Variants in SYN2 observed in about 807,000 individuals in gnomAD.
The protein encoded by SYN2 is synapsin II.
In SYN2, 19 loss-of-function variants were observed where a neutral mutation model predicts 50.9. The observed-to-expected ratio is 0.37, with a 90% confidence interval of 0.26 to 0.55. SYN2 has a LOEUF of 0.55. Ranked by LOEUF, SYN2 falls within the 20% of genes least tolerant of loss-of-function variation. The pLI is 0.81. For missense variants in SYN2, 587 were observed against 576.4 expected, an observed-to-expected ratio of 1.02 and a Z score of -0.19; for synonymous variants, 255 against 224.9, an observed-to-expected ratio of 1.13 and a Z score of -1.20.
chr3:12,076,239 T>C (rs534753562), intron 1 of SYN2, among the ~76,000 whole-genome samples: 21 of 152,206 alleles, frequency 1.4e-4, no homozygotes, highest in Non-Finnish European at 2.4e-4. Flanking sequence ...AATAAGTTCC[T>C]GGAATAAGTG....
intron 1 of SYN2, among the ~76,000 whole-genome samples, chr3:12,109,317 G>A (rs1696267357): frequency 6.6e-6 from 1 of 152,114 alleles, no homozygotes; most frequent in Non-Finnish European, 1.5e-5. Flanking sequence ...TCATTATCTG[G>A]TCTCTAAAAT....
chr3:12,077,239 A>G (rs971276653), intron 1 of SYN2, among the ~76,000 whole-genome samples: 42 of 152,162 alleles, frequency 2.8e-4, no homozygotes, highest in Admixed American at 8.5e-4. Flanking sequence ...GAAAATTCAT[A>G]TAAGAATAAC....
chr3:12,067,683 A>T (rs1695245728), intron 1 of SYN2, among the ~76,000 whole-genome samples: 1 of 151,616 alleles, frequency 6.6e-6, no homozygotes, highest in Non-Finnish European at 1.5e-5. Flanking sequence ...TTCCTGGTTC[A>T]TTTCCTAGAA....
chr3:12,055,805 C>G (rs1199412652), intron 1 of SYN2, among the ~76,000 whole-genome samples: 1 of 152,062 alleles, frequency 6.6e-6, no homozygotes, highest in African/African-American at 2.4e-5. Flanking sequence ...TGAATTTTTG[C>G]ATAAAAATGA....
Position 12,145,785 on chromosome 3 carries a change from A to C in SYN2, c.634A>C (p.Ser212Arg). 1 of 1,613,918 alleles carries C rather than the reference A, an allele frequency of 6.2e-7. No homozygotes were observed. Among genetic ancestry groups the C allele is most frequent in the Non-Finnish European group, 8.5e-7 (1 of 1,179,846 alleles). Residue 212 changes from serine to arginine, a missense_variant, in exon 4 of 13, where the codon AGC (serine) becomes CGC (arginine). Ser to Arg is a moderately radical substitution (Grantham distance 110). Coordinates refer to ENST00000621198, the MANE Select transcript of SYN2 (RefSeq NM_133625.6). ...IIGMQYAGLP[S>R]INSLESIYNF... ...TGGTATGCAGTATGCAGGCCTCCCCAGCATCAACTCACTGGAATCCATATA... is the reference window on the plus strand; with the variant it reads ...TGGTATGCAGTATGCAGGCCTCCCCCGCATCAACTCACTGGAATCCATATA...
chr3:12,105,945 A>G (rs184371203), intron 1 of SYN2, among the ~76,000 whole-genome samples: 3 of 152,276 alleles, frequency 2.0e-5, no homozygotes, highest in Admixed American at 1.3e-4. Context: ...AACAACACCT[A>G]TTTATTAACT....
chr3:12,074,255 A>G (rs552371919), intron 1 of SYN2, among the ~76,000 whole-genome samples: 7 of 152,278 alleles, frequency 4.6e-5, no homozygotes, highest in Non-Finnish European at 1.0e-4. Flanking sequence ...CAGCCTATAA[A>G]TGAATTTTCA....
At position 12,187,429 on chromosome 3, in the gene SYN2, T is replaced by A; in HGVS notation, c.1430T>A (p.Leu477His). 2 of 1,547,340 alleles carry A rather than the reference T, an allele frequency of 1.3e-6. No homozygotes were observed. The highest frequency in any genetic ancestry group is 2.4e-5 in the South Asian group (2 of 83,670). ...PPGKVLPPRR[L>H]PPGPSLPPSS... Reference sequence around the variant, plus strand: ...GGCAAGGTGCTGCCTCCACGCCGGCTCCCCCCTGGACCATCACTGCCACCT... The same window carrying A: ...GGCAAGGTGCTGCCTCCACGCCGGCACCCCCCTGGACCATCACTGCCACCT... Residue 477 changes from leucine (L) to histidine (H), a missense_variant, in exon 12 of 13, where the codon CTC becomes CAC. Leu to His is a moderately conservative substitution (Grantham distance 99, BLOSUM62 -3). Transcript: ENST00000621198.
At chr3:12,167,769 C>G (rs559888264) in intron 8 of SYN2, among the ~76,000 whole-genome samples, 1 of 152,212 alleles carries the variant, frequency 6.6e-6, no homozygotes, top group East Asian at 1.9e-4. Flanking sequence ...CAGAAGAAGA[C>G]AGGAAGCCAA....
chr3:12,097,538 G>A (rs1413744463), intron 1 of SYN2, among the ~76,000 whole-genome samples: 9 of 151,722 alleles, frequency 5.9e-5, no homozygotes, highest in East Asian at 5.8e-4. Context: ...CCCACAAGGC[G>A]GAGCTTGCAG....
intron 1 of SYN2, among the ~76,000 whole-genome samples, chr3:12,130,041 A>G (rs1346327576): frequency 6.6e-6 from 1 of 152,094 alleles, no homozygotes; most frequent in African/African-American, 2.4e-5. Flanking sequence ...ATCTGCTGGC[A>G]CCTTGATCTG....
chr3:12,161,426 G>A (rs1431497196), intron 5 of SYN2, 120 bp from the exon 6 acceptor site: 14 of 1,094,836 alleles, frequency 1.3e-5, no homozygotes, highest in Non-Finnish European at 1.9e-5. Context: ...TGTAAAGCAA[G>A]TAGATTGGAC....
chr3:12,142,678 G>A (rs1031494348), intron 3 of SYN2, among the ~76,000 whole-genome samples: 2 of 152,194 alleles, frequency 1.3e-5, no homozygotes, highest in Non-Finnish European at 2.9e-5. Flanking sequence ...TTCCAGACTG[G>A]AAAGTGGCGG....
rs182527139 is a variant in SYN2, at chr3:12,108,939, A to G, written c.378-31712A>G. On this transcript the variant is annotated intron_variant, in intron 1 of 12. Coordinates refer to ENST00000621198, the MANE Select transcript of SYN2 (RefSeq NM_133625.6). Reference sequence around the variant, plus strand: ...CTCAAATATCCATTCTGAATGTCCAATTTTTTAAAAATGTGGTCATAAAGA... The same window carrying G: ...CTCAAATATCCATTCTGAATGTCCAGTTTTTTAAAAATGTGGTCATAAAGA... 2.0e-5 allele frequency among the ~76,000 whole-genome samples: 3 copies of G among 152,094 alleles called. No individual in the cohort carries two copies. In the East Asian group the frequency reaches 5.8e-4, roughly 29 times the overall value.
intron 1 of SYN2, among the ~76,000 whole-genome samples, chr3:12,060,423 C>T (rs2125161844): frequency 6.6e-6 from 1 of 152,284 alleles, no homozygotes; most frequent in African/African-American, 2.4e-5. Flanking sequence ...TCTCTGACTC[C>T]AGCCCCCTCT....
intron 1 of SYN2, among the ~76,000 whole-genome samples, chr3:12,035,661 A>C (rs1453870976): frequency 6.6e-6 from 1 of 152,196 alleles, no homozygotes; most frequent in African/African-American, 2.4e-5. Flanking sequence ...GGGGCCTGCA[A>C]GTCATAGGTA....
chr3:12,062,419 G>A (rs754320561), intron 1 of SYN2, among the ~76,000 whole-genome samples: 37 of 151,832 alleles, frequency 2.4e-4, no homozygotes, highest in Non-Finnish European at 4.9e-4. Context: ...AACACAGGAG[G>A]AACTCTAGGT....
intron 1 of SYN2, among the ~76,000 whole-genome samples, chr3:12,036,688 T>C (rs371100653): frequency 6.6e-6 from 1 of 152,162 alleles, no homozygotes; most frequent in Admixed American, 6.5e-5. Context: ...ATTCTCTCAT[T>C]GTCTTGATGA....
In SYN2 at chr3:12,145,825, A is replaced by G; in HGVS notation, c.674A>G (p.Lys225Arg). Reference protein sequence around the residue: ...SLESIYNFCDKPWVFAQLVAI... With the variant: ...SLESIYNFCDRPWVFAQLVAI... ...GAATCCATATACAACTTCTGTGACA[A>G]GCCATGGGTGGTGAGTGAGGCCCCC... Residue 225 changes from lysine (K) to arginine (R), a missense_variant, in exon 4 of 13, where the codon AAG becomes AGG. Lys to Arg is a conservative substitution (Grantham distance 26). Coordinates refer to ENST00000621198, the MANE Select transcript of SYN2 (RefSeq NM_133625.6). 1 of 1,613,912 alleles carries G rather than the reference A, an allele frequency of 6.2e-7. No homozygotes were observed. Among genetic ancestry groups the G allele is most frequent in the Non-Finnish European group, 8.5e-7 (1 of 1,179,848 alleles).
Sources: allele counts gnomAD v4.1 joint callset (sites outside exome capture counted in the v4.1 genomes callset), GRCh38; gene constraint gnomAD v4.1.1; transcripts MANE v1.5; gene names NCBI Gene and HGNC (gene_info 2026-07-23, HGNC 2026-07-21).